The following RSPO1 variants were observed in gnomAD, a reference collection of about 807,000 sequenced individuals.
RSPO1 encodes R-spondin-1.
RSPO1 carries 18 observed loss-of-function variants against 26.0 expected under a neutral mutation model. The ratio of observed to expected loss-of-function variants is 0.69; its 90% CI spans 0.48 to 1.03. RSPO1 has a LOEUF of 1.03. Among genes scored for constraint, RSPO1 ranks in the 50% least tolerant of loss-of-function variants. The probability of loss-of-function intolerance (pLI) is 0.00; values close to 1 mark genes in which losing one functional copy is unlikely to be tolerated. For missense variants in RSPO1, 309 were observed against 352.3 expected (o/e 0.88, Z 0.98); for synonymous variants, 133 against 137.4 (o/e 0.97, Z 0.22).
intron 3 of RSPO1, among the ~76,000 whole-genome samples, chr1:37,618,887 A>G (rs968371105): frequency 6.6e-6 from 1 of 152,140 alleles, no homozygotes; most frequent in Admixed American, 6.5e-5. Flanking sequence ...CTGTCTTTGT[A>G]TCATGCTAAG....
chr1:37,626,698 G>T (rs1030030948), intron 3 of RSPO1, among the ~76,000 whole-genome samples: 37 of 152,160 alleles, frequency 2.4e-4, no homozygotes, highest in Admixed American at 2.4e-3. Flanking sequence ...GCAGTGAGAA[G>T]AGGCACAAAG....
chr1:37,623,617 G>A (rs953850051), intron 3 of RSPO1, among the ~76,000 whole-genome samples: 19 of 151,818 alleles, frequency 1.3e-4, no homozygotes, highest in African/African-American at 4.6e-4. Flanking sequence ...TATATAGCAC[G>A]TGCCTGTAAT....
chr1:37,616,155 G>A lies in RSPO1; in HGVS notation c.286+329C>T, dbSNP rs113503252. On this transcript the variant is annotated intron_variant, in intron 4 of 6. Transcript: ENST00000356545. ...AGCCTGGGGAGGACAGTGGCAGTGT[G>A]GACATACAGGAGATGACAGGCAGGC... Among the ~76,000 whole-genome samples the A allele has an allele frequency of 5.5e-3, 842 of 152,266 alleles. 9 individuals carry two copies. Among genetic ancestry groups the A allele is most frequent in the South Asian group, 0.035 (167 of 4,816 alleles).
intron 3 of RSPO1, among the ~76,000 whole-genome samples, chr1:37,627,607 G>A (rs1644297141): frequency 1.3e-5 from 2 of 151,946 alleles, no homozygotes; most frequent in African/African-American, 2.4e-5. Flanking sequence ...CCAAGATCGT[G>A]ACACAGCACT....
At position 37,621,034 on chromosome 1, in the gene RSPO1, G is replaced by A. The variant is rs190035366; in HGVS notation, c.95-4359C>T. Among the ~76,000 whole-genome samples the A allele has an allele frequency of 1.8e-4, 27 of 152,274 alleles. No homozygotes were observed. In the East Asian group the frequency reaches 4.8e-3, roughly 27 times the overall value. ...CTGTGTTAAGAACAGGTTTGCAAAA[G>A]GCGCCCTTTCAGATCTGCTGCCCAC... is the stretch of plus-strand genomic sequence containing the variant. On this transcript the variant is annotated intron_variant, in intron 3 of 6. Transcript: ENST00000356545.
In RSPO1 at chr1:37,629,708, G is replaced by A. The variant is rs781218359; in HGVS notation, c.-47C>T. 1.2e-6 allele frequency: 2 copies of A among 1,609,730 alleles called. No homozygotes were observed. Among genetic ancestry groups the A allele is most frequent in the East Asian group, 4.5e-5 (2 of 44,568 alleles). The stretch of plus-strand genomic sequence containing the variant: ...CCCTGGTCGGAGGGGTGGTCTCGGG[G>A]AGGGTGGATAGCACACGGCTCTTGC... On this transcript the variant is annotated 5_prime_UTR_variant, in exon 3 of 7. Transcript: ENST00000356545.
intron 2 of RSPO1, among the ~76,000 whole-genome samples, chr1:37,630,449 C>A (rs1570126779): frequency 6.6e-6 from 1 of 152,228 alleles, no homozygotes; most frequent in African/African-American, 2.4e-5. Context: ...GCTGGCAGAC[C>A]CTGCCTGGCC....
chr1:37,616,401 C>G, intron 4 of RSPO1, 83 bp downstream of exon 4: 1 of 1,367,354 alleles, frequency 7.3e-7, no homozygotes, highest in East Asian at 2.3e-5. Flanking sequence ...GCTCCTCTTG[C>G]CAGCCACCAA....
chr1:37,632,658 A>G (rs951659600), intron 1 of RSPO1, among the ~76,000 whole-genome samples: 2 of 152,210 alleles, frequency 1.3e-5, no homozygotes, highest in African/African-American at 4.8e-5. Flanking sequence ...AAAATCCAGG[A>G]TCTTACATGA....
At chr1:37,619,938 G>A (rs1026561072) in intron 3 of RSPO1, among the ~76,000 whole-genome samples, 31 of 151,862 alleles carry the variant, frequency 2.0e-4, no homozygotes, top group African/African-American at 7.3e-4. Context: ...TAGTAGAGAC[G>A]GGGTTTCACC....
intron 2 of RSPO1, among the ~76,000 whole-genome samples, chr1:37,631,322 T>C (rs11589571): frequency 0.04 from 6,125 of 152,280 alleles, 168 homozygotes; most frequent in Non-Finnish European, 0.062. Context: ...TGCTGTGGCC[T>C]GAGCCAGAGG....
intron 2 of RSPO1, 127 bp from the exon 3 acceptor site, chr1:37,630,076 C>T: frequency 1.6e-6 from 1 of 609,628 alleles, no homozygotes; most frequent in Non-Finnish European, 3.0e-6. Context: ...TACCTAGCAC[C>T]TTTCTAGAAG....
intron 3 of RSPO1, among the ~76,000 whole-genome samples, chr1:37,620,428 C>T (rs754434661): frequency 3.3e-5 from 5 of 151,990 alleles, no homozygotes; most frequent in Admixed American, 1.3e-4. Context: ...GTGAGGAGTT[C>T]GAGGCCAGCC....
intron 4 of RSPO1, among the ~76,000 whole-genome samples, chr1:37,615,039 C>T (rs1644090626): frequency 6.6e-6 from 1 of 152,180 alleles, no homozygotes; most frequent in South Asian, 2.1e-4. Flanking sequence ...GGGTCTTTCA[C>T]AATCTCTCCT....
At chr1:37,620,557 G>A (rs1046941400) in intron 3 of RSPO1, among the ~76,000 whole-genome samples, 1 of 151,928 alleles carries the variant, frequency 6.6e-6, no homozygotes. Flanking sequence ...CTTGAACCCA[G>A]GAGGCAGAGG....
At chr1:37,618,944 G>T (rs936193885) in intron 3 of RSPO1, among the ~76,000 whole-genome samples, 1 of 152,150 alleles carries the variant, frequency 6.6e-6, no homozygotes, top group Non-Finnish European at 1.5e-5. Flanking sequence ...GGCAGCGGCC[G>T]GGTGCAGTAG....
intron 3 of RSPO1, among the ~76,000 whole-genome samples, chr1:37,619,906 C>T (rs901471256): frequency 1.3e-5 from 2 of 152,062 alleles, no homozygotes; most frequent in African/African-American, 4.8e-5. Context: ...TGCCACCATG[C>T]CTGTCTAAGT....
Position 37,616,539 on chromosome 1 carries a change from C to T in RSPO1, c.231G>A (p.Pro77=), listed in dbSNP as rs778066733. ...CGTCGAAGTATCCAGGTGGGCAGGA[C>T]GGCAAGCAGACGCCCACCTGGCGGA... ...NDIRQVGVCL[P]SCPPGYFDAR... Residue 77 remains proline, a synonymous_variant, in exon 4 of 7, where the codon CCG becomes CCA. Transcript: ENST00000356545. 15 of 1,614,178 alleles carry T rather than the reference C, an allele frequency of 9.3e-6. No homozygotes were observed. The highest frequency in any genetic ancestry group is 6.7e-5 in the East Asian group (3 of 44,862).
rs139353088 is a variant in RSPO1, at chr1:37,612,499, GGTGTGT to G, written c.*250_*255del. On this transcript the variant is annotated 3_prime_UTR_variant, in exon 7 of 7. Transcript: ENST00000356545. ...ATGGAAGTGTCTTCTGGTGGCCTCA[GGTGTGT>G]GTGTGTGTGTGTGTGTATGTGTGTG... 19 of 509,778 alleles carry G rather than the reference GGTGTGT, an allele frequency of 3.7e-5. No homozygotes were observed. Among genetic ancestry groups the G allele is most frequent in the African/African-American group, 9.7e-5 (5 of 51,784 alleles). The allele number at this position is 509,778 out of a possible 1,614,324, so 31.6% of individuals were successfully genotyped here.
Sources: allele counts gnomAD v4.1 joint callset (sites outside exome capture counted in the v4.1 genomes callset), GRCh38; gene constraint gnomAD v4.1.1; transcripts MANE v1.5; gene names NCBI Gene and HGNC (gene_info 2026-07-23, HGNC 2026-07-21).